TXNDC5: variants seen among roughly 807,000 people sequenced by gnomAD.
TXNDC5 encodes the protein thioredoxin domain-containing protein 5.
A neutral mutation model predicts 52.6 loss-of-function variants in TXNDC5; 44 were observed. That is an observed-to-expected ratio of 0.84 (90% CI 0.66 to 1.08). The LOEUF is 1.08. Ranked by LOEUF, TXNDC5 falls within the 50% of genes least tolerant of loss-of-function variation. The pLI is 0.00. For missense variants in TXNDC5, 600 were observed against 565.5 expected (o/e 1.06, Z -0.62); for synonymous variants, 241 against 234.4 (o/e 1.03, Z -0.26).
At chr6:7,906,257 G>A (rs1303855931) in intron 1 of TXNDC5, among the ~76,000 whole-genome samples, 4 of 151,864 alleles carry the variant, frequency 2.6e-5, no homozygotes, top group Non-Finnish European at 5.9e-5. Flanking sequence ...AAGGATTTAA[G>A]CCGGGTGTGG....
Position 7,889,492 on chromosome 6 carries a change from T to C in TXNDC5, c.819+3A>G, listed in dbSNP as rs368842506. On this transcript the variant is annotated splice_donor_region_variant and intron_variant, in intron 6 of 9. Coordinates refer to ENST00000379757, the MANE Select transcript of TXNDC5 (RefSeq NM_030810.5). ...TTCTCAGTACTAAGAAGTGCAGACGTACCTTTTTCCCATCTCGGAACCAGA... is the reference window on the plus strand; with the variant it reads ...TTCTCAGTACTAAGAAGTGCAGACGCACCTTTTTCCCATCTCGGAACCAGA... The C allele has an allele frequency of 1.2e-5, 20 of 1,613,068 alleles. No homozygotes were observed. Among genetic ancestry groups the C allele is most frequent in the Non-Finnish European group, 1.6e-5 (19 of 1,179,198 alleles).
intron 3 of TXNDC5, among the ~76,000 whole-genome samples, chr6:7,896,867 C>G (rs2113348484): frequency 6.6e-6 from 1 of 152,328 alleles, no homozygotes; most frequent in Admixed American, 6.5e-5. Context: ...CAGGTCACGT[C>G]TTGCCCTACA....
chr6:7,900,856 C>G (rs1368697707), intron 2 of TXNDC5, among the ~76,000 whole-genome samples: 1 of 152,118 alleles, frequency 6.6e-6, no homozygotes, highest in African/African-American at 2.4e-5. Flanking sequence ...AGAGCTCCAC[C>G]CTAATAACCT....
At chr6:7,898,537 C>A (rs1760452509) in intron 3 of TXNDC5, among the ~76,000 whole-genome samples, 1 of 152,224 alleles carries the variant, frequency 6.6e-6, no homozygotes, top group East Asian at 1.9e-4. Flanking sequence ...TCAGTGGGCG[C>A]TTAGCTGATA....
At chr6:7,902,046 GAGA>G (rs1002645794) in intron 2 of TXNDC5, among the ~76,000 whole-genome samples, 3 of 152,134 alleles carry the variant, frequency 2.0e-5, no homozygotes, top group Non-Finnish European at 4.4e-5. Context: ...CACACAGAGA[GAGA>G]AGGGCATGTG....
intron 3 of TXNDC5, among the ~76,000 whole-genome samples, 158 bp downstream of exon 3, chr6:7,899,418 G>A (rs420970): frequency 0.49 from 74,111 of 151,684 alleles, 19,967 homozygotes; most frequent in East Asian, 0.76. Context: ...ATCTTTACCT[G>A]TAATACCAAT....
intron 4 of TXNDC5, 79 bp downstream of exon 4, chr6:7,895,027 G>GAGT: frequency 1.3e-6 from 2 of 1,517,060 alleles, no homozygotes; most frequent in Non-Finnish European, 1.8e-6. Flanking sequence ...AAGAGCCCTT[G>GAGT]AGTAGCAGGA....
intron 1 of TXNDC5, among the ~76,000 whole-genome samples, chr6:7,908,274 T>A (rs1581333018): frequency 3.1e-5 from 3 of 95,428 alleles, no homozygotes; most frequent in African/African-American, 4.6e-5. Context: ...AGAGCAAGAC[T>A]CCATCTCAAA....
intron 2 of TXNDC5, among the ~76,000 whole-genome samples, chr6:7,903,418 G>A (rs1760633952): frequency 6.6e-6 from 1 of 152,174 alleles, no homozygotes; most frequent in Non-Finnish European, 1.5e-5. Context: ...AAATGGTAGG[G>A]AAAACCCTAA....
chr6:7,899,151 C>G (rs1760476318), intron 3 of TXNDC5, among the ~76,000 whole-genome samples: 1 of 152,164 alleles, frequency 6.6e-6, no homozygotes, highest in Admixed American at 6.5e-5. Context: ...CAGAGTCAGT[C>G]TCTGATGCTG....
intron 5 of TXNDC5, 29 bp downstream of exon 5, chr6:7,891,592 T>C (rs940055201): frequency 1.3e-6 from 2 of 1,584,952 alleles, no homozygotes; most frequent in Admixed American, 1.7e-5. Flanking sequence ...AAGCAGTCCA[T>C]TTCCAGTTTA....
In TXNDC5 at chr6:7,882,904, G is replaced by T; in HGVS notation, c.*240C>A. On this transcript the variant is annotated 3_prime_UTR_variant, in exon 10 of 10. Coordinates refer to ENST00000379757, the MANE Select transcript of TXNDC5 (RefSeq NM_030810.5). ...AAGAGAAGGTCAAAGGGGATATATCGCCACTGAAAATGTTTACACAGTGAC... is the reference window on the plus strand; with the variant it reads ...AAGAGAAGGTCAAAGGGGATATATCTCCACTGAAAATGTTTACACAGTGAC... 2.3e-6 allele frequency: 1 copy of T among 441,310 alleles called. No homozygotes were observed. Among genetic ancestry groups the T allele is most frequent in the East Asian group, 3.7e-5 (1 of 27,110 alleles). 27.3% of individuals were successfully genotyped at this position (441,310 alleles called of 1,614,324 possible).
In TXNDC5 at chr6:7,890,721, A is replaced by C. The variant is rs147080661; in HGVS notation, c.732+900T>G. Among the ~76,000 whole-genome samples, 349 of 152,352 alleles carry C rather than the reference A, an allele frequency of 2.3e-3. 1 individual carries two copies. The highest frequency in any genetic ancestry group is 2.8e-3 in the Non-Finnish European group (190 of 68,032). Reference sequence around the variant, plus strand: ...GTGAAATATCCATTTAACTGACAACAAAAGTGATTACAATTTACCAAGCAT... The same window carrying C: ...GTGAAATATCCATTTAACTGACAACCAAAGTGATTACAATTTACCAAGCAT... On this transcript the variant is annotated intron_variant, in intron 5 of 9. Transcript: ENST00000379757.
At position 7,906,554 on chromosome 6, in the gene TXNDC5, AAAAG is replaced by A. The variant is rs1373299007; in HGVS notation, c.264-1835_264-1832del. 7.3e-4 allele frequency among the ~76,000 whole-genome samples: 107 copies of A among 146,462 alleles called. 1 individual carries two copies. Among genetic ancestry groups the A allele is most frequent in the African/African-American group, 2.5e-3 (93 of 36,926 alleles). ...CCATCTCAAAAAAAAAAAAAAAAAAAAAAGAAAAACAGACTTAAAGGTAGCACTG... is the reference window on the plus strand; with the variant it reads ...CCATCTCAAAAAAAAAAAAAAAAAAAAAAAACAGACTTAAAGGTAGCACTG... On this transcript the variant is annotated intron_variant, in intron 1 of 9. Coordinates refer to ENST00000379757, the MANE Select transcript of TXNDC5 (RefSeq NM_030810.5).
chr6:7,886,078 T>A (rs372138265), intron 7 of TXNDC5, 35 bp from the exon 8 acceptor site: 4 of 1,589,480 alleles, frequency 2.5e-6, no homozygotes, highest in Non-Finnish European at 2.6e-6. Context: ...TTCAAGTACA[T>A]CCCTTAAAGT....
intron 4 of TXNDC5, chr6:7,894,871 G>A (rs1760311702): frequency 1.0e-6 from 1 of 985,282 alleles, no homozygotes; most frequent in South Asian, 4.7e-5. Flanking sequence ...CTAGTGTGCG[G>A]GTCACGTGTG....
rs114025486 is a variant in TXNDC5, at chr6:7,892,000, A to C, written c.617-264T>G. 8.7e-3 allele frequency among the ~76,000 whole-genome samples: 1,329 copies of C among 152,326 alleles called. 12 individuals carry two copies. The highest frequency in any genetic ancestry group is 0.02 in the Middle Eastern group (6 of 294). The stretch of plus-strand genomic sequence containing the variant: ...TTGGAAAACTGTAATAAAAGGAAAG[A>C]ATCAGGCATTTCTCCCACCTCTCCT... On this transcript the variant is annotated intron_variant, in intron 4 of 9. Transcript: ENST00000379757.
chr6:7,892,714 T>G (rs1760237405), intron 4 of TXNDC5, among the ~76,000 whole-genome samples: 1 of 152,250 alleles, frequency 6.6e-6, no homozygotes, highest in Admixed American at 6.5e-5. Flanking sequence ...CCTGCTGATA[T>G]CCATATAAGA....
intron 1 of TXNDC5, among the ~76,000 whole-genome samples, chr6:7,907,151 T>C (rs1391587505): frequency 1.3e-5 from 2 of 149,992 alleles, no homozygotes; most frequent in African/African-American, 5.0e-5. Flanking sequence ...GTTTTGCTAC[T>C]GCTTTTTTTT....
Sources: gnomAD v4.1 joint callset for allele counts (sites outside exome capture counted in the v4.1 genomes callset) on GRCh38, gnomAD v4.1.1 for gene constraint, MANE v1.5 for transcripts, NCBI Gene and HGNC (gene_info 2026-07-23, HGNC 2026-07-21) for gene names.